ANK3: variants seen among roughly 807,000 people sequenced by gnomAD.
ANK3 encodes ankyrin-3.
A neutral mutation model predicts 370.9 loss-of-function variants in ANK3; 57 were observed. That is an observed-to-expected ratio of 0.15 (90% CI 0.12 to 0.19). The LOEUF (loss-of-function observed/expected upper bound fraction) is 0.19. Among genes scored for constraint, ANK3 ranks in the 10% least tolerant of loss-of-function variants. The pLI, the probability that ANK3 is intolerant of heterozygous loss-of-function variation, is 1.00. For synonymous variants in ANK3, 1,929 were observed against 1,946.3 expected (o/e 0.99, Z 0.23); for missense variants, 4,439 against 5,302.1 (o/e 0.84, Z 5.06).
intron 2 of ANK3, among the ~76,000 whole-genome samples, chr10:60,571,465 C>T (rs1227644334): frequency 6.6e-6 from 1 of 152,158 alleles, no homozygotes. Context: ...TGTCCACTGT[C>T]TGAGCATACA....
At chr10:60,095,136 G>A (rs907272166) in intron 28 of ANK3, among the ~76,000 whole-genome samples, 11 of 152,302 alleles carry the variant, frequency 7.2e-5, no homozygotes, top group Admixed American at 3.3e-4. Flanking sequence ...AAAATTATTA[G>A]TTGTTTTAAA....
intron 4 of ANK3, among the ~76,000 whole-genome samples, chr10:60,275,985 C>T (rs1308334648): frequency 6.6e-6 from 1 of 152,108 alleles, no homozygotes; most frequent in Non-Finnish European, 1.5e-5. Flanking sequence ...TTTATAATCA[C>T]AATTTAGTCA....
intron 5 of ANK3, 36 bp from the exon 6 acceptor site, chr10:60,264,056 T>C: frequency 6.5e-7 from 1 of 1,549,066 alleles, no homozygotes; most frequent in South Asian, 1.2e-5. Flanking sequence ...TGGGCTCCAA[T>C]GAATATTTTC....
chr10:60,345,003 G>A (rs920437879), intron 1 of ANK3, among the ~76,000 whole-genome samples: 2 of 152,110 alleles, frequency 1.3e-5, no homozygotes, highest in African/African-American at 4.8e-5. Context: ...TACAGGCCCA[G>A]GTCCATGGGT....
chr10:60,719,499 C>T (rs2079833976), intron 1 of ANK3, among the ~76,000 whole-genome samples: 1 of 152,082 alleles, frequency 6.6e-6, no homozygotes. Context: ...CCCATATCCT[C>T]AACATTATAA....
At chr10:60,374,796 A>G (rs2060543498) in intron 1 of ANK3, among the ~76,000 whole-genome samples, 1 of 152,210 alleles carries the variant, frequency 6.6e-6, no homozygotes. Context: ...GAAAAATAAG[A>G]GATTCGTTGG....
At chr10:60,534,543 T>C (rs919701749) in intron 2 of ANK3, among the ~76,000 whole-genome samples, 2 of 152,108 alleles carry the variant, frequency 1.3e-5, no homozygotes, top group African/African-American at 4.8e-5. Context: ...ATAAAATATA[T>C]TGGCACTCAA....
intron 2 of ANK3, among the ~76,000 whole-genome samples, chr10:60,404,213 G>GT (rs71015792): frequency 4.2e-4 from 7 of 16,532 alleles, no homozygotes; most frequent in East Asian, 2.3e-3. Flanking sequence ...AACACCACAA[G>GT]TTTTTTTTTA....
chr10:60,263,714 C>T (rs964703509), intron 6 of ANK3, 121 bp downstream of exon 6: 21 of 1,127,166 alleles, frequency 1.9e-5, no homozygotes, highest in African/African-American at 3.1e-5. Flanking sequence ...CACATTGTTC[C>T]TCCCTTCAAT....
chr10:60,673,132 A>G (rs2133383149), intron 1 of ANK3, among the ~76,000 whole-genome samples: 1 of 151,844 alleles, frequency 6.6e-6, no homozygotes, highest in South Asian at 2.1e-4. Context: ...TGATAGAATG[A>G]TCTAATAATT....
At chr10:60,729,362 C>T (rs2079988607) in intron 1 of ANK3, among the ~76,000 whole-genome samples, 1 of 152,094 alleles carries the variant, frequency 6.6e-6, no homozygotes, top group Admixed American at 6.6e-5. Flanking sequence ...AGTAGCACAG[C>T]CCAGAAATGA....
At chr10:60,648,125 G>A (rs145026731) in intron 1 of ANK3, among the ~76,000 whole-genome samples, 34 of 147,838 alleles carry the variant, frequency 2.3e-4, no homozygotes, top group African/African-American at 7.3e-4. Context: ...GATTACAGGC[G>A]TGAGCCACTG....
At chr10:60,695,815 G>A (rs1348108760) in intron 1 of ANK3, among the ~76,000 whole-genome samples, 1 of 152,078 alleles carries the variant, frequency 6.6e-6, no homozygotes, top group East Asian at 1.9e-4. Flanking sequence ...ATCCAAAATT[G>A]ACACCGTAAC....
intron 2 of ANK3, among the ~76,000 whole-genome samples, chr10:60,606,219 T>C (rs1430647779): frequency 1.3e-5 from 2 of 152,132 alleles, no homozygotes; most frequent in African/African-American, 2.4e-5. Flanking sequence ...AGTTTTTCGA[T>C]GCTGAATTAG....
chr10:60,451,325 T>G (rs895143287), intron 2 of ANK3, among the ~76,000 whole-genome samples: 5 of 152,186 alleles, frequency 3.3e-5, no homozygotes, highest in African/African-American at 1.2e-4. Context: ...TGGCAACCCT[T>G]GGAAACTCAT....
At chr10:60,041,685 T>C (rs1312913235) in intron 43 of ANK3, among the ~76,000 whole-genome samples, 2 of 152,180 alleles carry the variant, frequency 1.3e-5, no homozygotes, top group Admixed American at 6.5e-5. Flanking sequence ...TGTGAGAAAG[T>C]CTCACAGAAA....
At chr10:60,300,161 A>G (rs973056313) in intron 1 of ANK3, among the ~76,000 whole-genome samples, 6 of 152,152 alleles carry the variant, frequency 3.9e-5, no homozygotes, top group Non-Finnish European at 8.8e-5. Context: ...AGGACAGTCC[A>G]TTGTCCTACA....
intron 18 of ANK3, among the ~76,000 whole-genome samples, chr10:60,176,384 A>AG (rs1479737297): frequency 6.7e-6 from 1 of 149,002 alleles, no homozygotes; most frequent in Non-Finnish European, 1.5e-5. Context: ...AAAAAAAAAA[A>AG]GAAAGAAAAA....
chr10:60,570,326 C>T (rs894913417), intron 2 of ANK3, among the ~76,000 whole-genome samples: 1 of 152,082 alleles, frequency 6.6e-6, no homozygotes, highest in Non-Finnish European at 1.5e-5. Context: ...TGTTAAGTGT[C>T]CAGACAGTAT....
Sources: gnomAD v4.1 joint callset for allele counts (sites outside exome capture counted in the v4.1 genomes callset) on GRCh38, gnomAD v4.1.1 for gene constraint, MANE v1.5 for transcripts, NCBI Gene and HGNC (gene_info 2026-07-23, HGNC 2026-07-21) for gene names.